The following GLB1L3 variants were observed in gnomAD, a reference collection of about 807,000 sequenced individuals.
GLB1L3 encodes galactosidase beta 1 like 3.
Under a neutral mutation model 89.5 loss-of-function variants are expected in GLB1L3, and 89 were observed. That is an observed-to-expected ratio of 0.99 (90% CI 0.84 to 1.19). The LOEUF is 1.19. Among genes scored for constraint, GLB1L3 ranks in the 50% most tolerant of loss-of-function variants. The pLI, the probability that GLB1L3 is intolerant of heterozygous loss-of-function variation, is 0.00. For synonymous variants in GLB1L3, 314 were observed against 312.3 expected (o/e 1.01, Z -0.06); for missense variants, 812 against 813.3 (o/e 1.00, Z 0.02).
intron 18 of GLB1L3, chr11:134,317,233 T>C (rs1194391729): frequency 1.3e-5 from 2 of 152,218 alleles, no homozygotes; most frequent in Non-Finnish European, 2.9e-5. Context: ...TCTTTATCTC[T>C]TATTCATTTT....
At chr11:134,288,391 G>A (rs1262583776) in intron 6 of GLB1L3, among the ~76,000 whole-genome samples, 1 of 152,334 alleles carries the variant, frequency 6.6e-6, no homozygotes, top group African/African-American at 2.4e-5. Flanking sequence ...GGAGGGGAGA[G>A]GGGCTGTGCC....
chr11:134,282,251 C>A, intron 5 of GLB1L3, 131 bp downstream of exon 5: 1 of 1,127,698 alleles, frequency 8.9e-7, no homozygotes, highest in Non-Finnish European at 1.2e-6. Context: ...TGCCCCACGC[C>A]ACGCACCGTG....
At chr11:134,318,210 G>A (rs921905972) in intron 18 of GLB1L3, among the ~76,000 whole-genome samples, 1 of 152,146 alleles carries the variant, frequency 6.6e-6, no homozygotes, top group Admixed American at 6.5e-5. Flanking sequence ...CTGCCTAGAT[G>A]TCTCCTTGTC....
the GLB1L3 span, among the ~76,000 whole-genome samples, chr11:134,325,254 C>A: frequency 6.6e-6 from 1 of 152,158 alleles, no homozygotes; most frequent in African/African-American, 2.4e-5. Context: ...TGAGTACAGT[C>A]GTCCTGCAGC....
At chr11:134,286,813 G>A (rs923615855) in intron 6 of GLB1L3, among the ~76,000 whole-genome samples, 59 of 137,002 alleles carry the variant, frequency 4.3e-4, no homozygotes, top group African/African-American at 1.1e-3. Flanking sequence ...AAATAGACAT[G>A]CATTAAAATA....
chr11:134,314,458 G>A lies in GLB1L3; in HGVS notation c.1779+17G>A. 6.8e-7 allele frequency: 1 copy of A among 1,470,618 alleles called. No homozygotes were observed. Among genetic ancestry groups the A allele is most frequent in the Non-Finnish European group, 9.3e-7 (1 of 1,073,108 alleles). The allele number at this position is 1,470,618 out of a possible 1,614,324, so 91.1% of individuals were successfully genotyped here. A position where few individuals can be genotyped will look rare whatever the true frequency, so the allele number is the denominator to read the frequency against. On this transcript the variant is annotated intron_variant, in intron 18 of 19. Coordinates refer to ENST00000431683, the MANE Select transcript of GLB1L3 (RefSeq NM_001080407.3). ...AGCCTGCTGGTAGGTGATGCCCTCT[G>A]CTGCCCTGGTGTTCCAAACACCAAT... is the stretch of plus-strand genomic sequence containing the variant.
chr11:134,276,911 C>T (rs1210049266), intron 1 of GLB1L3, 148 bp downstream of exon 1: 4 of 721,488 alleles, frequency 5.5e-6, no homozygotes, highest in Non-Finnish European at 7.9e-6. Context: ...CCCCAGCTTT[C>T]CTCGGCAGAT....
chr11:134,313,904 TCATATTCTCTTTCCTGCCTCC>T lies in GLB1L3; in HGVS notation c.1580-33_1580-13del, dbSNP rs1382501115. The T allele has an allele frequency of 7.7e-7, 1 of 1,306,400 alleles. No individual in the cohort carries two copies. The highest frequency in any genetic ancestry group is 1.1e-6 in the Non-Finnish European group (1 of 907,156). 80.9% of individuals were successfully genotyped at this position (1,306,400 alleles called of 1,614,324 possible). ...ATGCTAGAGAATATCCAGTCCTGGC[TCATATTCTCTTTCCTGCCTCC>T]CATCTGCATCTGCAGGAATAACTGG... is the stretch of plus-strand genomic sequence containing the variant. On this transcript the variant is annotated splice_polypyrimidine_tract_variant and intron_variant, in intron 16 of 19. Coordinates refer to ENST00000431683, the MANE Select transcript of GLB1L3 (RefSeq NM_001080407.3).
intron 1 of GLB1L3, 45 bp downstream of exon 1, chr11:134,276,808 G>C (rs1940390501): frequency 2.2e-6 from 3 of 1,364,190 alleles, no homozygotes; most frequent in Non-Finnish European, 1.9e-6. Context: ...CCACCCCGGC[G>C]CGTGCCCGGG....
intron 9 of GLB1L3, among the ~76,000 whole-genome samples, chr11:134,295,694 A>C (rs1307643174): frequency 6.6e-6 from 1 of 152,048 alleles, no homozygotes; most frequent in African/African-American, 2.4e-5. Flanking sequence ...TTTCTGGTGG[A>C]AATTTAGCTT....
In GLB1L3 at chr11:134,319,059, A is replaced by G. The variant is rs1398717218; in HGVS notation, c.*117A>G. The G allele has an allele frequency of 1.4e-6, 1 of 719,288 alleles. No individual in the cohort carries two copies. Among genetic ancestry groups the G allele is most frequent in the Non-Finnish European group, 2.4e-6 (1 of 419,850 alleles). 44.6% of individuals were successfully genotyped at this position (719,288 alleles called of 1,614,324 possible). On this transcript the variant is annotated 3_prime_UTR_variant, in exon 20 of 20. Transcript: ENST00000431683. ...AAGCTCAGCCTCTCGGGTTCACGCC[A>G]TTCTCCTGCCTCAGCCTCCCCAGCA...
chr11:134,290,218 G>A (rs908566676), intron 7 of GLB1L3, among the ~76,000 whole-genome samples: 1 of 152,180 alleles, frequency 6.6e-6, no homozygotes, highest in South Asian at 2.1e-4. Flanking sequence ...TATTTAATCG[G>A]TTGTATTCAG....
chr11:134,297,885 A>AAAGAAAGT (rs973283432), intron 9 of GLB1L3, among the ~76,000 whole-genome samples: 1 of 148,232 alleles, frequency 6.7e-6, no homozygotes, highest in African/African-American at 2.5e-5. Flanking sequence ...AAAAAGAAAG[A>AAAGAAAGT]AAGAGAGAAA....
At chr11:134,296,653 G>A (rs1301139710) in intron 9 of GLB1L3, among the ~76,000 whole-genome samples, 1 of 139,918 alleles carries the variant, frequency 7.1e-6, no homozygotes, top group Non-Finnish European at 1.5e-5. Context: ...GAGAACACAT[G>A]GACATAGGAA....
At chr11:134,311,465 T>G in intron 13 of GLB1L3, 1 of 245,110 alleles carries the variant, frequency 4.1e-6, no homozygotes, top group Non-Finnish European at 7.8e-6. Flanking sequence ...GGAATCCACG[T>G]AGGAAAAGCT....
intron 18 of GLB1L3, among the ~76,000 whole-genome samples, chr11:134,316,193 A>G (rs1243635017): frequency 6.6e-6 from 1 of 151,640 alleles, no homozygotes; most frequent in African/African-American, 2.4e-5. Flanking sequence ...TATATTGGAA[A>G]TGACTCCCAT....
Position 134,319,334 on chromosome 11 carries a change from C to T in GLB1L3, c.*392C>T, listed in dbSNP as rs1943119698. The T allele has an allele frequency of 1.2e-5, 2 of 173,754 alleles. No homozygotes were observed. Among genetic ancestry groups the T allele is most frequent in the South Asian group, 3.0e-4 (2 of 6,686 alleles). The allele number at this position is 173,754 out of a possible 1,614,324, so 10.8% of individuals were successfully genotyped here. A position where few individuals can be genotyped will look rare whatever the true frequency, so the allele number is the denominator to read the frequency against. On this transcript the variant is annotated 3_prime_UTR_variant, in exon 20 of 20. Transcript: ENST00000431683. ...AGATTTATGTTAAGACTATCAAACA[C>T]AGTGTTGCCTACAATAGCAAAAATG...
chr11:134,312,834 A>G lies in GLB1L3; in HGVS notation c.1447A>G (p.Met483Val), dbSNP rs573864780. ...DVAQVFLDETMIGILNENNKD... is the reference protein window; with the variant it reads ...DVAQVFLDETVIGILNENNKD... ...TTTGCAGGTGTTTTTGGATGAGACAATGATAGGGATTCTGAATGAGAATAA... is the reference window on the plus strand; with the variant it reads ...TTTGCAGGTGTTTTTGGATGAGACAGTGATAGGGATTCTGAATGAGAATAA... Residue 483 changes from methionine (M) to valine (V), a missense_variant, in exon 15 of 20, where the codon ATG (methionine) becomes GTG (valine). This residue lies in a region of GLB1L3 where 618 missense variants were observed against 604.0 expected (regional missense o/e 1.02). Coordinates refer to ENST00000431683, the MANE Select transcript of GLB1L3 (RefSeq NM_001080407.3). The G allele has an allele frequency of 3.1e-6, 5 of 1,611,958 alleles. No homozygotes were observed. In the South Asian group the frequency reaches 4.4e-5, roughly 14 times the overall value.
Position 134,312,476 on chromosome 11 carries a change from A to C in GLB1L3, c.1415A>C (p.His472Pro). The C allele has an allele frequency of 1.2e-6, 2 of 1,612,700 alleles. No individual in the cohort carries two copies. Among genetic ancestry groups the C allele is most frequent in the Admixed American group, 3.3e-5 (2 of 60,020 alleles). ...GGAGGCCGCCTCCGTGCCCACGCTC[A>C]TGACGTGGCACAGGTAGGGCCAGCA... is the stretch of plus-strand genomic sequence containing the variant. The part of the protein sequence containing the change: ...CSGGRLRAHA[H>P]DVAQVFLDET... The change falls in exon 14 of 20, where the codon CAT becomes CCT. Residue 472 changes from histidine to proline, a missense_variant. Coordinates refer to ENST00000431683, the MANE Select transcript of GLB1L3 (RefSeq NM_001080407.3).
Sources: gnomAD v4.1 joint callset for allele counts (sites outside exome capture counted in the v4.1 genomes callset) on GRCh38, gnomAD v4.1.1 for gene constraint, gnomAD v4.1.1 regional missense constraint, MANE v1.5 for transcripts, NCBI Gene and HGNC (gene_info 2026-07-23, HGNC 2026-07-21) for gene names.